The following NCKAP5 variants were observed in gnomAD, a reference collection of about 807,000 sequenced individuals.
NCKAP5 encodes the protein nck-associated protein 5.
A neutral mutation model predicts 167.0 loss-of-function variants in NCKAP5; 92 were observed. The observed-to-expected ratio is 0.55, with a 90% CI of 0.47 to 0.66. NCKAP5 has a LOEUF of 0.66. NCKAP5 is among the 30% of genes least tolerant of loss of function. NCKAP5 has a pLI of 0.00. For synonymous variants in NCKAP5, 891 were observed against 877.4 expected (o/e 1.02, Z -0.27); for missense variants, 2,378 against 2,315.0 (o/e 1.03, Z -0.56).
At chr2:133,153,919 T>C (rs1471550332) in intron 5 of NCKAP5, among the ~76,000 whole-genome samples, 1 of 135,654 alleles carries the variant, frequency 7.4e-6, no homozygotes, top group Non-Finnish European at 1.5e-5. Context: ...CACTGCAACC[T>C]CCTCCCCCCA....
At chr2:133,574,579 G>C in the NCKAP5 span, among the ~76,000 whole-genome samples, 1 of 151,312 alleles carries the variant, frequency 6.6e-6, no homozygotes, top group Non-Finnish European at 1.5e-5. Flanking sequence ...GCTGGAGTGG[G>C]CTGGAGTTGC....
intron 17 of NCKAP5, among the ~76,000 whole-genome samples, chr2:132,730,711 A>C (rs1458913592): frequency 6.6e-6 from 1 of 152,226 alleles, no homozygotes; most frequent in Non-Finnish European, 1.5e-5. Context: ...CATGGAGTAC[A>C]CAACCTATAA....
At chr2:133,200,028 C>T (rs980541781) in intron 5 of NCKAP5, among the ~76,000 whole-genome samples, 1 of 146,140 alleles carries the variant, frequency 6.8e-6, no homozygotes, top group African/African-American at 2.5e-5. Flanking sequence ...AATGCAATTC[C>T]TATCAAAATC....
At chr2:133,156,866 C>T (rs1217028700) in intron 5 of NCKAP5, among the ~76,000 whole-genome samples, 1 of 152,126 alleles carries the variant, frequency 6.6e-6, no homozygotes, top group Non-Finnish European at 1.5e-5. Context: ...TTAGGGTTTG[C>T]ATGCAAGATC....
chr2:133,046,490 G>A (rs909482922), intron 6 of NCKAP5, among the ~76,000 whole-genome samples: 10 of 151,868 alleles, frequency 6.6e-5, no homozygotes, highest in Non-Finnish European at 4.4e-5. Flanking sequence ...GTGATCCTCC[G>A]ACCTTAGCCT....
the NCKAP5 span, among the ~76,000 whole-genome samples, chr2:133,597,694 A>G: frequency 5.5e-5 from 8 of 144,430 alleles, no homozygotes; most frequent in Non-Finnish European, 1.2e-4. Context: ...AAAAAAAAAA[A>G]AAAAGAAGAG....
intron 19 of NCKAP5, among the ~76,000 whole-genome samples, chr2:132,708,905 T>A (rs2033332): frequency 4.6e-5 from 7 of 152,068 alleles, no homozygotes; most frequent in Admixed American, 4.6e-4. Flanking sequence ...CATTGATGAA[T>A]AGAAGCTCCT....
intron 8 of NCKAP5, among the ~76,000 whole-genome samples, chr2:132,949,775 G>A (rs1163859812): frequency 1.3e-5 from 2 of 152,160 alleles, no homozygotes; most frequent in Middle Eastern, 3.2e-3. Flanking sequence ...CTGTCATTTT[G>A]TAACAGGTGA....
At chr2:133,542,921 C>T (rs1686349134) in intron 2 of NCKAP5, among the ~76,000 whole-genome samples, 1 of 152,138 alleles carries the variant, frequency 6.6e-6, no homozygotes, top group South Asian at 2.1e-4. Context: ...AATAACAACA[C>T]TATGTATACC....
intron 19 of NCKAP5, among the ~76,000 whole-genome samples, chr2:132,675,284 C>A (rs1014198621): frequency 6.6e-6 from 1 of 152,216 alleles, no homozygotes; most frequent in East Asian, 1.9e-4. Context: ...GGCCCTTTCA[C>A]GGGCTGAGTG....
In NCKAP5 at chr2:132,784,870, C is replaced by T; in HGVS notation, c.1941G>A (p.Lys647=). ...TTTGCTGCTTAATGAAACTAAAAGT[C>T]TTTGGCCTAGTCTCTGAAGGGATGG... The part of the protein sequence containing the change: ...QVPIPSETRP[K]TFSFIKQQRV... The change falls in exon 14 of 20, where the codon AAG becomes AAA. Residue 647 remains lysine (K), a synonymous_variant. Coordinates refer to ENST00000409261, the MANE Select transcript of NCKAP5 (RefSeq NM_207363.3). 6.4e-7 allele frequency: 1 copy of T among 1,560,768 alleles called. No homozygotes were observed. Among genetic ancestry groups the T allele is most frequent in the Non-Finnish European group, 8.7e-7 (1 of 1,154,378 alleles).
intron 11 of NCKAP5, among the ~76,000 whole-genome samples, chr2:132,845,848 T>C (rs1688622957): frequency 6.6e-6 from 1 of 152,224 alleles, no homozygotes; most frequent in Non-Finnish European, 1.5e-5. Flanking sequence ...TGAAAATGCA[T>C]TTAATTTTGG....
chr2:133,145,702 T>C (rs1026867527), intron 5 of NCKAP5, among the ~76,000 whole-genome samples: 2 of 152,068 alleles, frequency 1.3e-5, no homozygotes, highest in African/African-American at 4.8e-5. Context: ...ACTTCAAAAC[T>C]TCAGACGTCC....
upstream of NCKAP5, among the ~76,000 whole-genome samples, chr2:133,570,529 C>G (rs1356141002): frequency 6.6e-6 from 1 of 152,090 alleles, no homozygotes; most frequent in East Asian, 1.9e-4. Flanking sequence ...CATTTCTGAT[C>G]CAAGGACCCA....
chr2:133,082,464 A>C (rs2080842421), intron 6 of NCKAP5, among the ~76,000 whole-genome samples: 1 of 152,122 alleles, frequency 6.6e-6, no homozygotes. Flanking sequence ...TCACTAAAAG[A>C]AGCTTTACAG....
At chr2:133,306,375 A>G (rs1680778732) in intron 3 of NCKAP5, among the ~76,000 whole-genome samples, 1 of 152,224 alleles carries the variant, frequency 6.6e-6, no homozygotes, top group Admixed American at 6.5e-5. Context: ...ACTGTAGGAC[A>G]AGAGAGAGGA....
intron 6 of NCKAP5, among the ~76,000 whole-genome samples, chr2:133,021,604 T>A (rs1573768455): frequency 6.6e-6 from 1 of 152,202 alleles, no homozygotes; most frequent in East Asian, 1.9e-4. Context: ...ATATGTTTGC[T>A]ATTGTGTAAA....
chr2:133,404,964 C>T (rs1688331127), intron 3 of NCKAP5, among the ~76,000 whole-genome samples: 1 of 152,166 alleles, frequency 6.6e-6, no homozygotes, highest in Non-Finnish European at 1.5e-5. Flanking sequence ...GCCTCTCTTC[C>T]AATCTCAGGC....
intron 19 of NCKAP5, among the ~76,000 whole-genome samples, chr2:132,695,873 C>T (rs1253424965): frequency 6.6e-6 from 1 of 152,130 alleles, no homozygotes; most frequent in Admixed American, 6.5e-5. Context: ...CTCTAAAAAC[C>T]TTTAAGAGCA....
Sources: gnomAD v4.1 joint callset for allele counts (sites outside exome capture counted in the v4.1 genomes callset) on GRCh38, gnomAD v4.1.1 for gene constraint, MANE v1.5 for transcripts, NCBI Gene and HGNC (gene_info 2026-07-23, HGNC 2026-07-21) for gene names.